Variants in ZNF385D observed in about 807,000 individuals in gnomAD.
ZNF385D encodes zinc finger protein 385D.
ZNF385D carries 15 observed loss-of-function variants against 35.8 expected under a neutral mutation model. That is an observed-to-expected ratio of 0.42 (90% CI 0.28 to 0.64). ZNF385D has a LOEUF of 0.64. ZNF385D is among the 30% of genes least tolerant of loss of function. The pLI, the probability that ZNF385D is intolerant of heterozygous loss-of-function variation, is 0.23. For missense variants in ZNF385D, 474 were observed against 494.6 expected (o/e 0.96, Z 0.39); for synonymous variants, 212 against 186.8 (o/e 1.13, Z -1.10).
At chr3:22,199,980 C>T (rs1696673139) in intron 2 of ZNF385D, among the ~76,000 whole-genome samples, 1 of 151,860 alleles carries the variant, frequency 6.6e-6, no homozygotes, top group Admixed American at 6.6e-5. Flanking sequence ...TTTATTTAAT[C>T]ATCAAAAAAA....
intron 2 of ZNF385D, among the ~76,000 whole-genome samples, chr3:22,350,756 C>G (rs531368595): frequency 2.6e-4 from 40 of 152,022 alleles, no homozygotes; most frequent in African/African-American, 8.7e-4. Context: ...ACAGAGTGCT[C>G]CTTTTGAATG....
At chr3:22,101,615 A>G (rs774096191) in intron 3 of ZNF385D, among the ~76,000 whole-genome samples, 7 of 152,196 alleles carry the variant, frequency 4.6e-5, no homozygotes, top group Non-Finnish European at 8.8e-5. Context: ...ATAGGAACTG[A>G]CACATTTAAT....
intron 1 of ZNF385D, among the ~76,000 whole-genome samples, chr3:21,667,428 C>G (rs2066441905): frequency 6.6e-6 from 1 of 152,212 alleles, no homozygotes; most frequent in Admixed American, 6.5e-5. Flanking sequence ...TCCCAAAGTG[C>G]TGGGATTACA....
chr3:21,925,969 G>C (rs1159276821), intron 3 of ZNF385D, among the ~76,000 whole-genome samples: 1 of 152,056 alleles, frequency 6.6e-6, no homozygotes, highest in African/African-American at 2.4e-5. Flanking sequence ...TAAAAAAATA[G>C]TGATAACAAC....
At chr3:21,930,057 C>CAAT (rs1481928553) in intron 3 of ZNF385D, among the ~76,000 whole-genome samples, 3 of 151,840 alleles carry the variant, frequency 2.0e-5, no homozygotes, top group Non-Finnish European at 4.4e-5. Context: ...TACAAAGCTA[C>CAAT]AATAATCAAG....
At chr3:21,636,914 A>G (rs916803176) in intron 2 of ZNF385D, among the ~76,000 whole-genome samples, 11 of 151,700 alleles carry the variant, frequency 7.3e-5, no homozygotes, top group South Asian at 2.1e-4. Context: ...AGAATTGTCT[A>G]TTCATGTCCT....
At chr3:22,142,896 T>C (rs1217943551) in intron 3 of ZNF385D, among the ~76,000 whole-genome samples, 1 of 152,082 alleles carries the variant, frequency 6.6e-6, no homozygotes, top group Non-Finnish European at 1.5e-5. Flanking sequence ...AGAATAGCAA[T>C]AGTAACCCTC....
chr3:22,028,762 T>C (rs904714982), intron 3 of ZNF385D, among the ~76,000 whole-genome samples: 2 of 152,190 alleles, frequency 1.3e-5, no homozygotes, highest in Admixed American at 1.3e-4. Flanking sequence ...CTCAGATTCA[T>C]GGAATTCACT....
intron 3 of ZNF385D, among the ~76,000 whole-genome samples, chr3:21,848,609 T>A (rs1301569114): frequency 6.6e-6 from 1 of 151,994 alleles, no homozygotes; most frequent in Non-Finnish European, 1.5e-5. Flanking sequence ...TGTGAATGAT[T>A]ACACATCAAC....
chr3:22,165,931 C>G (rs1576431460), intron 3 of ZNF385D, among the ~76,000 whole-genome samples: 1 of 152,160 alleles, frequency 6.6e-6, no homozygotes, highest in South Asian at 2.1e-4. Context: ...TACACCAGAT[C>G]AAATATCTTT....
chr3:22,023,262 C>G (rs1486360579), intron 3 of ZNF385D, among the ~76,000 whole-genome samples: 1 of 152,114 alleles, frequency 6.6e-6, no homozygotes, highest in African/African-American at 2.4e-5. Flanking sequence ...TGAGTCTGGG[C>G]AGGAATCACC....
chr3:22,232,613 C>T (rs1698960317), intron 2 of ZNF385D, among the ~76,000 whole-genome samples: 3 of 152,242 alleles, frequency 2.0e-5, no homozygotes, highest in Middle Eastern at 3.4e-3. Flanking sequence ...TGTTCAGCTC[C>T]CACTTACGAG....
At chr3:21,810,384 G>T (rs1056768075) in intron 3 of ZNF385D, among the ~76,000 whole-genome samples, 16 of 151,360 alleles carry the variant, frequency 1.1e-4, no homozygotes, top group Admixed American at 9.2e-4. Context: ...GGGGGTGGGG[G>T]CTGGGGGAGG....
intron 1 of ZNF385D, among the ~76,000 whole-genome samples, chr3:21,670,669 C>G (rs1193503077): frequency 8.6e-5 from 2 of 23,184 alleles, no homozygotes; most frequent in East Asian, 1.1e-3. Flanking sequence ...CCCCCCCCCC[C>G]CCCCAATGAC....
At chr3:21,965,881 C>A (rs570953742) in intron 3 of ZNF385D, among the ~76,000 whole-genome samples, 18 of 152,124 alleles carry the variant, frequency 1.2e-4, no homozygotes, top group Non-Finnish European at 1.6e-4. Context: ...GAAGAGATAA[C>A]AATAAAGCAA....
At chr3:22,184,388 T>C (rs1037355586) in intron 2 of ZNF385D, among the ~76,000 whole-genome samples, 1 of 151,698 alleles carries the variant, frequency 6.6e-6, no homozygotes, top group Non-Finnish European at 1.5e-5. Context: ...CATTTCAACA[T>C]GTTTTATCAT....
intron 2 of ZNF385D, among the ~76,000 whole-genome samples, chr3:22,269,422 G>T (rs1177988456): frequency 1.3e-5 from 2 of 151,928 alleles, no homozygotes; most frequent in African/African-American, 4.8e-5. Context: ...CTAGAAATTA[G>T]AGTAGTCAGG....
chr3:21,446,916 T>A (rs1452925198), intron 4 of ZNF385D, among the ~76,000 whole-genome samples: 1 of 152,168 alleles, frequency 6.6e-6, no homozygotes, highest in Non-Finnish European at 1.5e-5. Flanking sequence ...TATTGATCAG[T>A]TAAACCAGGG....
intron 3 of ZNF385D, chr3:22,168,761 A>G (rs1024997516): frequency 8.4e-6 from 8 of 950,854 alleles, no homozygotes; most frequent in Non-Finnish European, 8.8e-6. Context: ...CTGCAGGTAC[A>G]CAAATAACTT....
Sources: gnomAD v4.1 joint callset for allele counts (sites outside exome capture counted in the v4.1 genomes callset) on GRCh38, gnomAD v4.1.1 for gene constraint, MANE v1.5 for transcripts, NCBI Gene and HGNC (gene_info 2026-07-23, HGNC 2026-07-21) for gene names.